The following PGM3 variants were observed in gnomAD, a reference collection of about 807,000 sequenced individuals.
PGM3 encodes the protein phosphoglucomutase 3.
In PGM3, 40 loss-of-function variants were observed where a neutral mutation model predicts 66.2. The observed-to-expected ratio is 0.60, with a 90% CI of 0.47 to 0.79. The LOEUF (loss-of-function observed/expected upper bound fraction) is 0.79. Among genes scored for constraint, PGM3 ranks in the 30% least tolerant of loss-of-function variants. The probability of loss-of-function intolerance (pLI) is 0.00; values close to 1 mark genes in which losing one functional copy is unlikely to be tolerated. For missense variants in PGM3, 537 were observed against 643.4 expected, an observed-to-expected ratio of 0.83 and a Z score of 1.79; for synonymous variants, 191 against 224.2, an observed-to-expected ratio of 0.85 and a Z score of 1.32.
At chr6:83,193,416 G>A (rs1202965231), upstream of PGM3, 2 of 152,282 alleles carry the variant, frequency 1.3e-5, no homozygotes, top group Non-Finnish European at 2.9e-5. Context: ...CGGGGTCTGG[G>A]GCTGTTACCA....
chr6:83,168,711 AC>A lies in PGM3; in HGVS notation c.*522del. The A allele has an allele frequency of 1.4e-5, 14 of 995,444 alleles. No individual in the cohort carries two copies. Among genetic ancestry groups the A allele is most frequent in the Non-Finnish European group, 1.7e-5 (14 of 835,734 alleles). The allele number at this position is 995,444 out of a possible 1,614,324, so 61.7% of individuals were successfully genotyped here. A position where few individuals can be genotyped will look rare whatever the true frequency, so the allele number is the denominator to read the frequency against. ...CCTCAGTATGGAAGAGGGATGGACA[AC>A]CCCCTATTCATACCTCTGAGTTCCT... On this transcript the variant is annotated 3_prime_UTR_variant, in exon 13 of 13. Transcript: ENST00000513973.
chr6:83,191,839 A>T (rs1789092423), intron 1 of PGM3, among the ~76,000 whole-genome samples: 2 of 151,874 alleles, frequency 1.3e-5, no homozygotes, highest in Non-Finnish European at 1.5e-5. Context: ...AAATACAAAA[A>T]AATTAGTCGG....
At position 83,164,957 on chromosome 6, in the gene PGM3, G is replaced by A. The variant is rs1415810182; in HGVS notation, c.*4277C>T. Reference sequence around the variant, plus strand: ...GAGCATCAGAAACTCTGAATCAAGTGTATTCTTCTTGGTCAAGAGCTTAAT... The same window carrying A: ...GAGCATCAGAAACTCTGAATCAAGTATATTCTTCTTGGTCAAGAGCTTAAT... On this transcript the variant is annotated 3_prime_UTR_variant, in exon 13 of 13. Coordinates refer to ENST00000513973, the MANE Select transcript of PGM3 (RefSeq NM_015599.3). The A allele has an allele frequency of 9.5e-6, 4 of 420,616 alleles. No homozygotes were observed. Among genetic ancestry groups the A allele is most frequent in the African/African-American group, 8.3e-5 (4 of 47,956 alleles). The allele number at this position is 420,616 out of a possible 1,614,324, so 26.1% of individuals were successfully genotyped here.
At chr6:83,172,515 T>C (rs1224705668) in intron 10 of PGM3, among the ~76,000 whole-genome samples, 1 of 151,918 alleles carries the variant, frequency 6.6e-6, no homozygotes, top group Admixed American at 6.6e-5. Context: ...AAAAATTAGC[T>C]AGGTGTGGTA....
chr6:83,173,356 G>GAAATT (rs1360486010), intron 10 of PGM3, among the ~76,000 whole-genome samples: 1 of 152,168 alleles, frequency 6.6e-6, no homozygotes, highest in Admixed American at 6.5e-5. Flanking sequence ...TTTATAAAAT[G>GAAATT]AAATTAGACT....
At chr6:83,172,500 A>G (rs1348225158) in intron 10 of PGM3, among the ~76,000 whole-genome samples, 1 of 152,172 alleles carries the variant, frequency 6.6e-6, no homozygotes, top group Admixed American at 6.5e-5. Flanking sequence ...CTATACTAAA[A>G]ATACAAAAAT....
At chr6:83,171,831 A>G in intron 11 of PGM3, 106 bp downstream of exon 11, 1 of 913,498 alleles carries the variant, frequency 1.1e-6, no homozygotes, top group Non-Finnish European at 1.7e-6. Context: ...ATGTGTATGT[A>G]CAGAATGAAA....
intron 3 of PGM3, among the ~76,000 whole-genome samples, chr6:83,187,282 C>T (rs551012112): frequency 6.6e-6 from 1 of 152,264 alleles, no homozygotes; most frequent in South Asian, 2.1e-4. Flanking sequence ...AGGAAAAATT[C>T]TGGCTTTTAA....
chr6:83,165,005 C>A lies in PGM3; in HGVS notation c.*4229G>T. On this transcript the variant is annotated 3_prime_UTR_variant, in exon 13 of 13. Transcript: ENST00000513973. ...AATAAAAGTCCCTCTCTTAAAGGCT[C>A]ATCTTGATAGGAATAGAAACAAAAG... 2 of 313,516 alleles carry A rather than the reference C, an allele frequency of 6.4e-6. No homozygotes were observed. The highest frequency in any genetic ancestry group is 1.2e-5 in the Non-Finnish European group (2 of 171,756). The allele number at this position is 313,516 out of a possible 1,614,324, so 19.4% of individuals were successfully genotyped here.
intron 1 of PGM3, among the ~76,000 whole-genome samples, chr6:83,192,688 T>G (rs1789226964): frequency 6.6e-6 from 1 of 150,850 alleles, no homozygotes; most frequent in Non-Finnish European, 1.5e-5. Flanking sequence ...TCCTGTTAAC[T>G]CCAAAAAGCC....
intron 8 of PGM3, among the ~76,000 whole-genome samples, chr6:83,178,374 T>C (rs1446238791): frequency 6.6e-6 from 1 of 152,166 alleles, no homozygotes; most frequent in Non-Finnish European, 1.5e-5. Context: ...TAAAGAAAAG[T>C]ATTCCTGAGC....
Position 83,168,625 on chromosome 6 carries a change from C to CA in PGM3, c.*608dup. 1.0e-6 allele frequency: 1 copy of CA among 996,426 alleles called. No homozygotes were observed. The allele number at this position is 996,426 out of a possible 1,614,324, so 61.7% of individuals were successfully genotyped here. ...TTCTCCCACATACCTTCACCAAGAG[C>CA]AGTGAAGAATAACTGAAGGCTGGAC... is the stretch of plus-strand genomic sequence containing the variant. On this transcript the variant is annotated 3_prime_UTR_variant, in exon 13 of 13. Transcript: ENST00000513973.
At chr6:83,172,926 C>T (rs964300395) in intron 10 of PGM3, among the ~76,000 whole-genome samples, 1 of 152,170 alleles carries the variant, frequency 6.6e-6, no homozygotes, top group Non-Finnish European at 1.5e-5. Flanking sequence ...GATTGTCCAA[C>T]GGGTGGCTGA....
downstream of PGM3, chr6:83,161,308 A>G (rs183665973): frequency 2.6e-5 from 4 of 152,306 alleles, no homozygotes; most frequent in Admixed American, 2.6e-4. Flanking sequence ...TCTTTCTAAA[A>G]ATAAAAATCT....
intron 11 of PGM3, 107 bp from the exon 12 acceptor site, chr6:83,170,585 A>G: frequency 1.2e-6 from 1 of 854,040 alleles, no homozygotes; most frequent in Non-Finnish European, 1.8e-6. Context: ...ATAAAATTAC[A>G]TTAAAACTTC....
At chr6:83,155,902 A>G in the PGM3 span, 1 of 1,577,494 alleles carries the variant, frequency 6.3e-7, no homozygotes, top group Non-Finnish European at 8.6e-7. Flanking sequence ...CAACAGAATA[A>G]TCTTTCTTCA....
rs1788303552 is a variant in PGM3, at chr6:83,182,972, C to A, written c.464G>T (p.Gly155Val). ...TVLGGQFHDY[G>V]LLTTPQLHYM... Reference sequence around the variant, plus strand: ...GTGCAGCTGGGGTGTTGTTAACAAGCCATAATCTGTCATAGAAATACAAAA... The same window carrying A: ...GTGCAGCTGGGGTGTTGTTAACAAGACATAATCTGTCATAGAAATACAAAA... Residue 155 changes from glycine (G) to valine (V), a missense_variant, in exon 5 of 13, where the codon GGC becomes GTC. By Grantham distance (109) the Gly-to-Val change is moderately radical (BLOSUM62 -3). Coordinates refer to ENST00000513973, the MANE Select transcript of PGM3 (RefSeq NM_015599.3). The A allele has an allele frequency of 6.2e-7, 1 of 1,612,716 alleles. No individual in the cohort carries two copies. Among genetic ancestry groups the A allele is most frequent in the South Asian group, 1.1e-5 (1 of 90,638 alleles).
At chr6:83,164,476 A>AC (rs887526249), downstream of PGM3, among the ~76,000 whole-genome samples, 8 of 151,178 alleles carry the variant, frequency 5.3e-5, no homozygotes, top group African/African-American at 7.3e-5. Flanking sequence ...TTTTTATAAG[A>AC]CCCCCCTCCT....
intron 9 of PGM3, among the ~76,000 whole-genome samples, chr6:83,175,292 C>T (rs2128490343): frequency 1.3e-5 from 2 of 152,194 alleles, no homozygotes; most frequent in South Asian, 4.1e-4. Flanking sequence ...CTTCTCCATT[C>T]GATCACTAAA....
Sources: gnomAD v4.1 joint callset for allele counts (sites outside exome capture counted in the v4.1 genomes callset) on GRCh38, gnomAD v4.1.1 for gene constraint, MANE v1.5 for transcripts, NCBI Gene and HGNC (gene_info 2026-07-23, HGNC 2026-07-21) for gene names.